DDC: variants seen among roughly 807,000 people sequenced by gnomAD.
DDC encodes dopa decarboxylase.
Under a neutral mutation model 60.0 loss-of-function variants are expected in DDC, and 43 were observed. That is an observed-to-expected ratio of 0.72 (90% CI 0.56 to 0.92). The LOEUF is 0.92. Ranked by LOEUF, DDC falls within the 40% of genes least tolerant of loss-of-function variation. DDC has a pLI of 0.00. For missense variants in DDC, 573 were observed against 620.2 expected (o/e 0.92, Z 0.81); for synonymous variants, 232 against 234.6 (o/e 0.99, Z 0.10).
intron 9 of DDC, among the ~76,000 whole-genome samples, chr7:50,486,651 A>T (rs566974403): frequency 5.3e-5 from 8 of 152,334 alleles, no homozygotes; most frequent in Admixed American, 5.2e-4. Context: ...GGACCTCAGA[A>T]TATGACTGAC....
chr7:50,529,686 G>A (rs1693364386), intron 4 of DDC, among the ~76,000 whole-genome samples: 3 of 152,182 alleles, frequency 2.0e-5, no homozygotes, highest in East Asian at 1.9e-4. Context: ...AGAGGAGAAC[G>A]GCCCAGGGCA....
At chr7:50,538,006 A>C (rs1169767970) in intron 3 of DDC, 27 bp from the exon 4 acceptor site, 1 of 1,614,010 alleles carries the variant, frequency 6.2e-7, no homozygotes, top group Non-Finnish European at 8.5e-7. Flanking sequence ...GAAGGGATTA[A>C]CCGAGGGCCA....
intron 4 of DDC, among the ~76,000 whole-genome samples, chr7:50,531,335 C>T (rs2044200724): frequency 6.6e-6 from 1 of 151,774 alleles, no homozygotes; most frequent in Admixed American, 6.6e-5. Flanking sequence ...TATCTGCCCC[C>T]ACACACATTT....
At chr7:50,516,779 C>A (rs1164063246) in intron 6 of DDC, among the ~76,000 whole-genome samples, 1 of 152,096 alleles carries the variant, frequency 6.6e-6, no homozygotes, top group African/African-American at 2.4e-5. Context: ...TACAAAAGAT[C>A]ATTCAAGGCT....
At chr7:50,493,467 T>A (rs73697528) in intron 9 of DDC, among the ~76,000 whole-genome samples, 6,137 of 152,256 alleles carry the variant, frequency 0.04, 262 homozygotes, top group African/African-American at 0.11. Context: ...CCTTCCGAAC[T>A]CCAGCCACCT....
At chr7:50,496,636 T>G (rs1457629716) in intron 8 of DDC, among the ~76,000 whole-genome samples, 1 of 152,212 alleles carries the variant, frequency 6.6e-6, no homozygotes, top group Non-Finnish European at 1.5e-5. Flanking sequence ...GTTTATCACC[T>G]GACTGGTGAA....
intron 13 of DDC, among the ~76,000 whole-genome samples, chr7:50,465,215 T>C (rs1326664476): frequency 2.6e-5 from 4 of 152,130 alleles, no homozygotes; most frequent in East Asian, 1.9e-4. Flanking sequence ...ATGTCCAGAA[T>C]AGACAAACCT....
chr7:50,466,270 A>G (rs2042393447), intron 13 of DDC, among the ~76,000 whole-genome samples: 2 of 152,146 alleles, frequency 1.3e-5, no homozygotes, highest in African/African-American at 4.8e-5. Context: ...CGGGTGGATC[A>G]CGAGGTCAGA....
At chr7:50,465,001 CA>C (rs1408329724) in intron 13 of DDC, among the ~76,000 whole-genome samples, 1 of 152,160 alleles carries the variant, frequency 6.6e-6, no homozygotes, top group Non-Finnish European at 1.5e-5. Flanking sequence ...AAACATTTGT[CA>C]GCTGAAAAAT....
chr7:50,559,198 G>A (rs1177113323), intron 1 of DDC, among the ~76,000 whole-genome samples: 2 of 152,120 alleles, frequency 1.3e-5, no homozygotes, highest in African/African-American at 4.8e-5. Flanking sequence ...AGCAGGCACG[G>A]AGCTCCTCTC....
intron 9 of DDC, among the ~76,000 whole-genome samples, chr7:50,488,431 A>G (rs924183919): frequency 6.6e-6 from 1 of 152,038 alleles, no homozygotes; most frequent in African/African-American, 2.4e-5. Flanking sequence ...ATAAATATTA[A>G]GTGGTATTTT....
chr7:50,493,385 G>GC (rs201683158), intron 9 of DDC, among the ~76,000 whole-genome samples: 1,967 of 152,274 alleles, frequency 0.013, 40 homozygotes, highest in African/African-American at 0.046. Context: ...GAGGACGCCT[G>GC]CCCCTTGCAA....
chr7:50,537,350 A>AT (rs1353757935), intron 4 of DDC, among the ~76,000 whole-genome samples: 1 of 152,232 alleles, frequency 6.6e-6, no homozygotes, highest in Non-Finnish European at 1.5e-5. Flanking sequence ...TGAGCCACAC[A>AT]GAGTCTGTAG....
chr7:50,536,447 C>A (rs1004994947), intron 4 of DDC, among the ~76,000 whole-genome samples: 1 of 152,150 alleles, frequency 6.6e-6, no homozygotes, highest in East Asian at 1.9e-4. Context: ...TTGACTGAGA[C>A]CCATCTCAGA....
intron 1 of DDC, among the ~76,000 whole-genome samples, chr7:50,559,347 C>T (rs1180324862): frequency 2.6e-5 from 4 of 152,142 alleles, no homozygotes; most frequent in African/African-American, 7.2e-5. Context: ...CATATGCCCA[C>T]GAGGTGCCTC....
chr7:50,557,816 G>A (rs1323039148), intron 1 of DDC, among the ~76,000 whole-genome samples: 1 of 152,124 alleles, frequency 6.6e-6, no homozygotes, highest in Non-Finnish European at 1.5e-5. Context: ...CTTTTTGCGT[G>A]TTGTCAATTT....
At chr7:50,503,753 A>AT (rs1213460885) in intron 7 of DDC, among the ~76,000 whole-genome samples, 2 of 151,950 alleles carry the variant, frequency 1.3e-5, no homozygotes, top group East Asian at 1.9e-4. Context: ...TATTGCTCGG[A>AT]TTTTTTTTCT....
At chr7:50,470,441 G>A (rs1391237039) in intron 11 of DDC, among the ~76,000 whole-genome samples, 1 of 152,230 alleles carries the variant, frequency 6.6e-6, no homozygotes, top group Non-Finnish European at 1.5e-5. Context: ...AGGTGTTTGC[G>A]GCATGCACAG....
chr7:50,561,195 T>G (rs1275544852), intron 1 of DDC: 3 of 151,928 alleles, frequency 2.0e-5, no homozygotes, highest in African/African-American at 7.2e-5. Flanking sequence ...CACCACCTCC[T>G]GCCCCCACTC....
Sources: gnomAD v4.1 joint callset for allele counts (sites outside exome capture counted in the v4.1 genomes callset) on GRCh38, gnomAD v4.1.1 for gene constraint, MANE v1.5 for transcripts, NCBI Gene and HGNC (gene_info 2026-07-23, HGNC 2026-07-21) for gene names.